SSBP2: variants seen among roughly 807,000 people sequenced by gnomAD.
The protein encoded by SSBP2 is single-stranded DNA-binding protein 2.
Under a neutral mutation model 61.8 loss-of-function variants are expected in SSBP2, and 17 were observed. The observed-to-expected ratio is 0.28, with a 90% confidence interval of 0.19 to 0.41. The LOEUF (loss-of-function observed/expected upper bound fraction) is 0.41. SSBP2 is among the 10% of genes least tolerant of loss of function. The probability of loss-of-function intolerance (pLI) is 1.00; values close to 1 mark genes in which losing one functional copy is unlikely to be tolerated. For missense variants in SSBP2, 310 were observed against 458.7 expected, an observed-to-expected ratio of 0.68 and a Z score of 2.96; for synonymous variants, 139 against 141.3, an observed-to-expected ratio of 0.98 and a Z score of 0.12.
At chr5:81,498,196 C>T (rs1767434075) in intron 5 of SSBP2, among the ~76,000 whole-genome samples, 1 of 152,010 alleles carries the variant, frequency 6.6e-6, no homozygotes, top group Non-Finnish European at 1.5e-5. Context: ...TAGCACATAA[C>T]CATCTTTAGA....
intron 1 of SSBP2, among the ~76,000 whole-genome samples, chr5:81,690,234 G>C (rs559392480): frequency 6.6e-6 from 1 of 152,098 alleles, no homozygotes; most frequent in Non-Finnish European, 1.5e-5. Flanking sequence ...CAAAATGGCA[G>C]GAGTAAGTAC....
intron 1 of SSBP2, among the ~76,000 whole-genome samples, chr5:81,723,289 T>C (rs1009517600): frequency 1.3e-5 from 2 of 152,050 alleles, no homozygotes; most frequent in Non-Finnish European, 2.9e-5. Context: ...GAGAAGGTTC[T>C]TGGTTCTCTG....
intron 4 of SSBP2, among the ~76,000 whole-genome samples, chr5:81,538,753 A>C (rs1430513340): frequency 6.6e-6 from 1 of 152,192 alleles, no homozygotes; most frequent in East Asian, 1.9e-4. Flanking sequence ...TGTTCTATAA[A>C]TGGAACAACA....
intron 4 of SSBP2, among the ~76,000 whole-genome samples, chr5:81,599,156 T>C (rs1744089464): frequency 6.6e-6 from 1 of 152,152 alleles, no homozygotes. Flanking sequence ...TCTCTGCCAG[T>C]GGGACCACTG....
intron 3 of SSBP2, among the ~76,000 whole-genome samples, chr5:81,631,580 G>C (rs143468498): frequency 1.8e-3 from 270 of 151,946 alleles, no homozygotes; most frequent in African/African-American, 5.5e-3. Flanking sequence ...GCATCACAAT[G>C]CATTCATAAG....
At chr5:81,579,224 A>G (rs1409006774) in intron 4 of SSBP2, among the ~76,000 whole-genome samples, 2 of 152,052 alleles carry the variant, frequency 1.3e-5, no homozygotes, top group African/African-American at 4.8e-5. Context: ...TGGAGAAAAC[A>G]AGTTTCTTAT....
chr5:81,450,883 A>G (rs1763722764), intron 10 of SSBP2, among the ~76,000 whole-genome samples: 1 of 152,186 alleles, frequency 6.6e-6, no homozygotes, highest in Non-Finnish European at 1.5e-5. Context: ...TAATGCACAG[A>G]TTTCCTGGAG....
At chr5:81,701,305 T>G (rs887697839) in intron 1 of SSBP2, among the ~76,000 whole-genome samples, 2 of 152,000 alleles carry the variant, frequency 1.3e-5, no homozygotes, top group South Asian at 4.2e-4. Flanking sequence ...TGGGTGAGGT[T>G]TGTGGCATCC....
chr5:81,657,623 C>T lies in SSBP2; in HGVS notation c.63-7284G>A, dbSNP rs185476486. 1.6e-3 allele frequency among the ~76,000 whole-genome samples: 248 copies of T among 152,238 alleles called. 1 individual carries two copies. Among genetic ancestry groups the T allele is most frequent in the Non-Finnish European group, 2.4e-3 (160 of 68,024 alleles). ...TGGAGTTGGGCCAAATATCCCTGTGCCTCCCTCAGAAGGCCTAAGGGCAAC... is the reference window on the plus strand; with the variant it reads ...TGGAGTTGGGCCAAATATCCCTGTGTCTCCCTCAGAAGGCCTAAGGGCAAC... On this transcript the variant is annotated intron_variant, in intron 1 of 16. Coordinates refer to ENST00000320672, the MANE Select transcript of SSBP2 (RefSeq NM_012446.5).
intron 4 of SSBP2, 152 bp downstream of exon 4, chr5:81,615,321 T>G (rs1199460470): frequency 1.5e-6 from 1 of 658,350 alleles, no homozygotes; most frequent in Non-Finnish European, 2.7e-6. Context: ...TATTTCACAT[T>G]TAAAGTTATG....
intron 1 of SSBP2, among the ~76,000 whole-genome samples, chr5:81,729,565 T>A (rs1039365176): frequency 1.3e-5 from 2 of 152,154 alleles, no homozygotes; most frequent in Non-Finnish European, 2.9e-5. Flanking sequence ...GATAATACCA[T>A]GCCATGAACT....
At position 81,718,094 on chromosome 5, in the gene SSBP2, A is replaced by G. The variant is rs542989434; in HGVS notation, c.62+32887T>C. Among the ~76,000 whole-genome samples, 13 of 152,332 alleles carry G rather than the reference A, an allele frequency of 8.5e-5. No individual in the cohort carries two copies. In the East Asian group the frequency reaches 2.5e-3, roughly 29 times the overall value. Reference sequence around the variant, plus strand: ...TATAAGATTTTTTCTTCTGAATCATAGACCTTAATACCCACCCAGACTTTT... The same window carrying G: ...TATAAGATTTTTTCTTCTGAATCATGGACCTTAATACCCACCCAGACTTTT... On this transcript the variant is annotated intron_variant, in intron 1 of 16. Coordinates refer to ENST00000320672, the MANE Select transcript of SSBP2 (RefSeq NM_012446.5).
At chr5:81,465,173 CA>C (rs975097894) in intron 9 of SSBP2, among the ~76,000 whole-genome samples, 6 of 151,364 alleles carry the variant, frequency 4.0e-5, no homozygotes, top group African/African-American at 1.5e-4. Flanking sequence ...AAAACAGTAA[CA>C]AAAAAATGGA....
At chr5:81,600,827 T>C (rs1744294049) in intron 4 of SSBP2, among the ~76,000 whole-genome samples, 1 of 152,160 alleles carries the variant, frequency 6.6e-6, no homozygotes, top group Admixed American at 6.5e-5. Flanking sequence ...AACAAAATAA[T>C]AGAGTAGAAT....
intron 4 of SSBP2, among the ~76,000 whole-genome samples, chr5:81,515,442 T>C (rs1435694454): frequency 1.3e-5 from 2 of 152,012 alleles, no homozygotes; most frequent in Non-Finnish European, 2.9e-5. Context: ...ACTGTAACAC[T>C]GAGCATATGT....
At chr5:81,700,075 G>A (rs921818627) in intron 1 of SSBP2, among the ~76,000 whole-genome samples, 12 of 151,882 alleles carry the variant, frequency 7.9e-5, no homozygotes, top group African/African-American at 2.9e-4. Context: ...TCAAACTCCT[G>A]GACTCAAGTA....
At chr5:81,657,009 G>A (rs750306573) in intron 1 of SSBP2, among the ~76,000 whole-genome samples, 4 of 152,012 alleles carry the variant, frequency 2.6e-5, no homozygotes, top group Admixed American at 1.3e-4. Context: ...TGCTTCCCAC[G>A]CTCATGGAAT....
intron 6 of SSBP2, among the ~76,000 whole-genome samples, chr5:81,476,310 T>C (rs1765588892): frequency 1.3e-5 from 2 of 152,158 alleles, no homozygotes; most frequent in Admixed American, 6.5e-5. Flanking sequence ...GTCTCAATAA[T>C]GTTTCTTTTT....
chr5:81,585,558 T>C (rs1314435781), intron 4 of SSBP2, among the ~76,000 whole-genome samples: 1 of 151,928 alleles, frequency 6.6e-6, no homozygotes, highest in Non-Finnish European at 1.5e-5. Context: ...TGTGTGTATA[T>C]ATATATATAT....
Sources: allele counts gnomAD v4.1 joint callset (sites outside exome capture counted in the v4.1 genomes callset), GRCh38; gene constraint gnomAD v4.1.1; transcripts MANE v1.5; gene names NCBI Gene and HGNC (gene_info 2026-07-23, HGNC 2026-07-21).